Variants in RBFOX1 observed in about 807,000 individuals in gnomAD.
The protein encoded by RBFOX1 is RNA binding fox-1 homolog 1, also known as RNA binding protein fox-1 homolog 1.
RBFOX1 carries 8 observed loss-of-function variants against 57.7 expected under a neutral mutation model. That is an observed-to-expected ratio of 0.14 (90% CI 0.08 to 0.25). The LOEUF (loss-of-function observed/expected upper bound fraction) is 0.25, where lower values mean the gene tolerates loss of function less well. Among genes scored for constraint, RBFOX1 ranks in the 10% least tolerant of loss-of-function variants. The pLI, the probability that RBFOX1 is intolerant of heterozygous loss-of-function variation, is 1.00. For missense variants in RBFOX1, 611 were observed against 548.5 expected (o/e 1.11, Z -1.14); for synonymous variants, 326 against 222.4 (o/e 1.47, Z -4.15).
At chr16:6,647,617 C>T (rs539413319) in intron 2 of RBFOX1, among the ~76,000 whole-genome samples, 1 of 152,282 alleles carries the variant, frequency 6.6e-6, no homozygotes, top group African/African-American at 2.4e-5. Context: ...CCAAATACAG[C>T]CACACTGAGG....
chr16:6,843,099 G>A (rs1001777977), intron 3 of RBFOX1, among the ~76,000 whole-genome samples: 1 of 152,030 alleles, frequency 6.6e-6, no homozygotes, highest in African/African-American at 2.4e-5. Context: ...ATTTACTATT[G>A]TAAATAGGTT....
At chr16:6,510,841 A>C (rs924794046) in intron 2 of RBFOX1, among the ~76,000 whole-genome samples, 3 of 151,606 alleles carry the variant, frequency 2.0e-5, no homozygotes, top group African/African-American at 7.3e-5. Flanking sequence ...TTGCACCCTT[A>C]GTGCTGCACC....
chr16:7,697,785 C>G (rs1348786078), intron 14 of RBFOX1, among the ~76,000 whole-genome samples: 1 of 152,136 alleles, frequency 6.6e-6, no homozygotes, highest in Non-Finnish European at 1.5e-5. Context: ...TTCTACCTTC[C>G]CCAGTATGCT....
At chr16:7,121,129 T>C (rs1057309135) in intron 4 of RBFOX1, among the ~76,000 whole-genome samples, 3 of 152,130 alleles carry the variant, frequency 2.0e-5, no homozygotes, top group African/African-American at 2.4e-5. Flanking sequence ...TGGTAGAGGA[T>C]GTCAACAAAC....
intron 4 of RBFOX1, among the ~76,000 whole-genome samples, chr16:7,087,056 G>A (rs1476050989): frequency 6.6e-6 from 1 of 152,166 alleles, no homozygotes; most frequent in Non-Finnish European, 1.5e-5. Context: ...GTAGATGGCT[G>A]TAGACAAGTG....
rs1051009799 is a variant in RBFOX1, at chr16:6,835,239, C to T, written c.-16+180589C>T. ...TTGTGAAGATGGCTCCGTTAGTGAGCGCTGTGGACTAAGATCCACAAACAC... is the reference window on the plus strand; with the variant it reads ...TTGTGAAGATGGCTCCGTTAGTGAGTGCTGTGGACTAAGATCCACAAACAC... On this transcript the variant is annotated intron_variant, in intron 3 of 15. Transcript: ENST00000550418. 1.1e-4 allele frequency among the ~76,000 whole-genome samples: 17 copies of T among 152,036 alleles called. 1 individual carries two copies. Among genetic ancestry groups the T allele is most frequent in the South Asian group, 2.1e-4 (1 of 4,816 alleles).
intron 4 of RBFOX1, among the ~76,000 whole-genome samples, chr16:5,939,294 G>C (rs2059234077): frequency 6.6e-6 from 1 of 152,182 alleles, no homozygotes; most frequent in South Asian, 2.1e-4. Context: ...CACAAACTTA[G>C]ATTAAAACAA....
At chr16:6,406,779 C>T (rs2093296083) in intron 2 of RBFOX1, among the ~76,000 whole-genome samples, 1 of 152,116 alleles carries the variant, frequency 6.6e-6, no homozygotes, top group South Asian at 2.1e-4. Flanking sequence ...TATGTGGAGG[C>T]TACCTGGGGT....
At chr16:5,552,684 C>A (rs984998211) in intron 2 of RBFOX1, among the ~76,000 whole-genome samples, 47 of 152,174 alleles carry the variant, frequency 3.1e-4, no homozygotes, top group Non-Finnish European at 6.5e-4. Context: ...AAACTCTATT[C>A]TGCCAGCCTT....
intron 1 of RBFOX1, among the ~76,000 whole-genome samples, chr16:6,258,452 G>A (rs866625509): frequency 6.6e-6 from 1 of 152,162 alleles, no homozygotes; most frequent in Non-Finnish European, 1.5e-5. Context: ...ATGAGCATGA[G>A]TGCATGTACC....
At chr16:6,495,947 T>G in intron 2 of RBFOX1, among the ~76,000 whole-genome samples, 1 of 152,236 alleles carries the variant, frequency 6.6e-6, no homozygotes. Context: ...CCAAAGGCAT[T>G]TTATATTTCC....
chr16:6,822,766 C>A (rs1432218919), intron 3 of RBFOX1, among the ~76,000 whole-genome samples: 1 of 152,138 alleles, frequency 6.6e-6, no homozygotes, highest in Non-Finnish European at 1.5e-5. Context: ...CCCAGAAGAA[C>A]CTATGGGACA....
intron 3 of RBFOX1, among the ~76,000 whole-genome samples, chr16:5,668,415 G>A (rs1277822102): frequency 6.6e-6 from 1 of 152,196 alleles, no homozygotes; most frequent in Non-Finnish European, 1.5e-5. Flanking sequence ...TTAGAAACCT[G>A]TGAGAAAGAG....
chr16:5,696,025 C>T (rs1035085257), intron 3 of RBFOX1, among the ~76,000 whole-genome samples: 5 of 152,124 alleles, frequency 3.3e-5, no homozygotes, highest in Admixed American at 2.0e-4. Flanking sequence ...ATGTCAAACA[C>T]GGTTTTAGAT....
intron 1 of RBFOX1, among the ~76,000 whole-genome samples, chr16:5,280,078 A>C (rs892191467): frequency 2.0e-5 from 3 of 152,140 alleles, no homozygotes; most frequent in African/African-American, 7.2e-5. Context: ...TAGATTTGTC[A>C]TATATGCCTT....
intron 1 of RBFOX1, among the ~76,000 whole-genome samples, chr16:6,291,690 G>C (rs2077481823): frequency 6.6e-6 from 1 of 152,174 alleles, no homozygotes; most frequent in East Asian, 1.9e-4. Flanking sequence ...GATTAGCTGA[G>C]ACAGACAAAG....
rs555825094 is a variant in RBFOX1 at position 6,962,528 on chromosome 16, C to A, written c.-15-89529C>A. 3.3e-5 allele frequency among the ~76,000 whole-genome samples: 5 copies of A among 152,006 alleles called. No individual in the cohort carries two copies. The South Asian group carries it at 1.0e-3, about 32-fold the overall frequency. On this transcript the variant is annotated intron_variant, in intron 3 of 15. Transcript: ENST00000550418. ...ATCCTTTCTTCTTACTTCAGAAGCT[C>A]AGAGGTCAAAAGCACCTTAAAGTTC...
At chr16:7,285,385 TG>T (rs2095629881) in intron 4 of RBFOX1, among the ~76,000 whole-genome samples, 3 of 151,764 alleles carry the variant, frequency 2.0e-5, no homozygotes, top group African/African-American at 7.3e-5. Flanking sequence ...TAATTGTGTG[TG>T]TGTGTGTGTG....
At chr16:6,763,857 C>G (rs983896829) in intron 3 of RBFOX1, among the ~76,000 whole-genome samples, 3 of 152,188 alleles carry the variant, frequency 2.0e-5, no homozygotes, top group Admixed American at 6.5e-5. Context: ...TGTAATTCCT[C>G]TATTTCATTT....
Sources: allele counts gnomAD v4.1 joint callset (sites outside exome capture counted in the v4.1 genomes callset), GRCh38; gene constraint gnomAD v4.1.1; transcripts MANE v1.5; gene names NCBI Gene and HGNC (gene_info 2026-07-23, HGNC 2026-07-21).